RUNX1: variants seen among roughly 807,000 people sequenced by gnomAD.
RUNX1 encodes runt-related transcription factor 1.
Under a neutral mutation model 42.8 loss-of-function variants are expected in RUNX1, and 19 were observed. The ratio of observed to expected loss-of-function variants is 0.44; its 90% CI spans 0.31 to 0.65. The LOEUF is 0.65. Among genes scored for constraint, RUNX1 ranks in the 30% least tolerant of loss-of-function variants. RUNX1 has a pLI of 0.07. For missense variants in RUNX1, 528 were observed against 672.0 expected, an observed-to-expected ratio of 0.79 and a Z score of 2.37; for synonymous variants, 271 against 289.4, an observed-to-expected ratio of 0.94 and a Z score of 0.64.
chr21:34,794,902 G>A (rs1233874455), intron 8 of RUNX1, among the ~76,000 whole-genome samples: 1 of 152,178 alleles, frequency 6.6e-6, no homozygotes, highest in Non-Finnish European at 1.5e-5. Flanking sequence ...AATGTCTCCA[G>A]ACATTGCCAG....
At chr21:34,976,574 G>A (rs1367889966) in intron 2 of RUNX1, among the ~76,000 whole-genome samples, 4 of 152,106 alleles carry the variant, frequency 2.6e-5, no homozygotes. Context: ...ACATTTTGAC[G>A]AACACCGTGG....
intron 6 of RUNX1, 42 bp from the exon 7 acceptor site, chr21:34,834,643 AGGAG>A: frequency 2.2e-6 from 3 of 1,358,686 alleles, no homozygotes; most frequent in Non-Finnish European, 3.1e-6. Context: ...GGGGGAGGGA[AGGAG>A]GGAGGGAAGA....
intron 2 of RUNX1, among the ~76,000 whole-genome samples, chr21:35,020,228 C>T (rs890074712): frequency 2.0e-5 from 3 of 151,946 alleles, no homozygotes; most frequent in African/African-American, 4.8e-5. Context: ...AGTTCCTCCC[C>T]GACCTTACTT....
chr21:34,973,854 T>C (rs1176946849), intron 2 of RUNX1, among the ~76,000 whole-genome samples: 1 of 152,138 alleles, frequency 6.6e-6, no homozygotes, highest in Admixed American at 6.5e-5. Context: ...CAGGGAGAAA[T>C]GCATCGCTGA....
chr21:34,885,197 C>T (rs1401519039), intron 4 of RUNX1, among the ~76,000 whole-genome samples: 1 of 152,096 alleles, frequency 6.6e-6, no homozygotes, highest in African/African-American at 2.4e-5. Flanking sequence ...TCTCTTAGAG[C>T]CCTAGTGCAT....
intron 5 of RUNX1, among the ~76,000 whole-genome samples, chr21:34,865,716 G>GGCTGGGGACC: frequency 6.6e-6 from 1 of 152,204 alleles, no homozygotes; most frequent in Non-Finnish European, 1.5e-5. Flanking sequence ...ATAAAGCCAC[G>GGCTGGGGACC]GCTGGAACCT....
intron 2 of RUNX1, among the ~76,000 whole-genome samples, chr21:34,986,295 A>G (rs2058887294): frequency 6.6e-6 from 1 of 151,948 alleles, no homozygotes; most frequent in South Asian, 2.1e-4. Context: ...AAAGGCTGGC[A>G]CTGTTTGTTT....
At chr21:34,964,527 CAAAG>C (rs1357114586) in intron 2 of RUNX1, among the ~76,000 whole-genome samples, 1 of 150,868 alleles carries the variant, frequency 6.6e-6, no homozygotes, top group Non-Finnish European at 1.5e-5. Context: ...GTTCAGATGA[CAAAG>C]GAAGGTTGTG....
In RUNX1 at chr21:34,907,546, T is replaced by C. The variant is rs1226573421; in HGVS notation, c.59-14583A>G. Among the ~76,000 whole-genome samples the C allele has an allele frequency of 6.6e-6, 1 of 152,202 alleles. No individual in the cohort carries two copies. The highest frequency in any genetic ancestry group is 1.5e-5 in the Non-Finnish European group (1 of 68,034). The stretch of plus-strand genomic sequence containing the variant: ...TCAAAAAGTTTGCAAGCCTCTAGCC[T>C]AAAATGTCTTATTTTCTTAGTACTC... On this transcript the variant is annotated intron_variant, in intron 2 of 8. Coordinates refer to ENST00000675419, the MANE Select transcript of RUNX1 (RefSeq NM_001754.5). This position sits in a 1 kb window ranked among gnomAD's most constrained non-coding sequence, Gnocchi z 5.3.
chr21:34,806,610 C>T (rs146983920), intron 7 of RUNX1, among the ~76,000 whole-genome samples: 5 of 152,224 alleles, frequency 3.3e-5, no homozygotes, highest in South Asian at 2.1e-4. Flanking sequence ...TTGACCTAAA[C>T]GGCACTACCA....
intron 5 of RUNX1, among the ~76,000 whole-genome samples, chr21:34,865,286 G>A (rs1050836303): frequency 7.5e-5 from 6 of 80,496 alleles, no homozygotes; most frequent in African/African-American, 3.5e-4. Flanking sequence ...GTGCGTGTGT[G>A]TGTGTGTGTG....
chr21:35,028,280 A>G (rs1008254523), intron 2 of RUNX1, among the ~76,000 whole-genome samples: 8 of 152,160 alleles, frequency 5.3e-5, no homozygotes, highest in African/African-American at 1.9e-4. Flanking sequence ...GGGAACCTGC[A>G]TTTTAACAAA....
At chr21:34,888,861 G>A (rs1440245791) in intron 3 of RUNX1, among the ~76,000 whole-genome samples, 12 of 151,642 alleles carry the variant, frequency 7.9e-5, no homozygotes, top group African/African-American at 2.4e-4. Context: ...GCGCGCCCCC[G>A]CCGCCGCGCC....
At chr21:34,956,026 A>C (rs1477610565) in intron 2 of RUNX1, among the ~76,000 whole-genome samples, 1 of 152,232 alleles carries the variant, frequency 6.6e-6, no homozygotes, top group African/African-American at 2.4e-5. Flanking sequence ...GCTAATAGCC[A>C]AAACAAAACA....
intron 6 of RUNX1, among the ~76,000 whole-genome samples, chr21:34,853,916 G>C (rs972625075): frequency 6.6e-6 from 1 of 150,958 alleles, no homozygotes; most frequent in Non-Finnish European, 1.5e-5. Flanking sequence ...GGGTTCAACC[G>C]ATTCTCCTGC....
intron 2 of RUNX1, among the ~76,000 whole-genome samples, chr21:35,043,428 T>C (rs1456936951): frequency 6.6e-6 from 1 of 152,176 alleles, no homozygotes; most frequent in Admixed American, 6.5e-5. Context: ...TCTGAAGATT[T>C]CTTGAAAAAT....
At chr21:34,850,799 T>TAA (rs113906073) in intron 6 of RUNX1, among the ~76,000 whole-genome samples, 4 of 148,916 alleles carry the variant, frequency 2.7e-5, no homozygotes, top group African/African-American at 9.9e-5. Context: ...TAATTAAATG[T>TAA]AAAAAAAAAA....
At chr21:34,937,925 G>A (rs913685394) in intron 2 of RUNX1, among the ~76,000 whole-genome samples, 4 of 152,132 alleles carry the variant, frequency 2.6e-5, no homozygotes, top group Non-Finnish European at 4.4e-5. Context: ...GAAGAAATTG[G>A]AAGTTAAATT....
chr21:34,990,615 T>C (rs1201150215), intron 2 of RUNX1, among the ~76,000 whole-genome samples: 11 of 152,150 alleles, frequency 7.2e-5, no homozygotes, highest in Middle Eastern at 3.4e-3. Context: ...GGCTCTTCCA[T>C]TAACGGATAT....
Sources: gnomAD v4.1 joint callset for allele counts (sites outside exome capture counted in the v4.1 genomes callset) on GRCh38, gnomAD v4.1.1 for gene constraint, Gnocchi (gnomAD v3.1) non-coding constraint, MANE v1.5 for transcripts, NCBI Gene and HGNC (gene_info 2026-07-23, HGNC 2026-07-21) for gene names.